HYDIN: variants seen among roughly 807,000 people sequenced by gnomAD.
The protein encoded by HYDIN is axonemal central pair apparatus protein HYDIN.
A neutral mutation model predicts 403.9 loss-of-function variants in HYDIN; 132 were observed. The ratio of observed to expected loss-of-function variants is 0.33; its 90% CI spans 0.28 to 0.38. The LOEUF is 0.38. HYDIN is among the 10% of genes least tolerant of loss of function. The probability of loss-of-function intolerance (pLI) is 1.00; values close to 1 mark genes in which losing one functional copy is unlikely to be tolerated. For synonymous variants in HYDIN, 1,202 were observed against 1,891.7 expected (o/e 0.64, Z 9.46); for missense variants, 2,827 against 5,009.5 (o/e 0.56, Z 13.15).
chr16:71,073,128 A>C (rs2082521237), intron 13 of HYDIN, among the ~76,000 whole-genome samples: 1 of 152,272 alleles, frequency 6.6e-6, no homozygotes, highest in African/African-American at 2.4e-5. Context: ...CCTCAGAACA[A>C]GCAGACTTTA....
intron 10 of HYDIN, among the ~76,000 whole-genome samples, chr16:71,108,400 G>C (rs536098773): frequency 6.6e-6 from 1 of 152,176 alleles, no homozygotes; most frequent in South Asian, 2.1e-4. Context: ...GATTCCAGGG[G>C]AGGCTGCAGT....
intron 1 of HYDIN, among the ~76,000 whole-genome samples, chr16:71,196,412 GA>G (rs1646553552): frequency 6.6e-6 from 1 of 152,164 alleles, no homozygotes; most frequent in Admixed American, 6.5e-5. Context: ...CTGACTGCTT[GA>G]GCTGAGATAT....
intron 58 of HYDIN, among the ~76,000 whole-genome samples, chr16:70,887,964 C>T (rs1298084184): frequency 2.6e-5 from 4 of 152,138 alleles, no homozygotes; most frequent in African/African-American, 9.7e-5. Flanking sequence ...ATTACAGGCA[C>T]GAGCCACGGC....
intron 50 of HYDIN, among the ~76,000 whole-genome samples, chr16:70,904,545 A>G (rs1458641758): frequency 1.9e-5 from 1 of 52,500 alleles, no homozygotes; most frequent in African/African-American, 6.8e-5. Flanking sequence ...TTGTTGCCCA[A>G]GTTGGAGTGC....
intron 15 of HYDIN, 46 bp downstream of exon 15, chr16:71,067,244 G>T (rs745927200): frequency 5.0e-6 from 6 of 1,195,434 alleles, no homozygotes; most frequent in Non-Finnish European, 7.2e-6. Flanking sequence ...CCCATTACTG[G>T]AGGCTCGGGG....
intron 4 of HYDIN, 48 bp downstream of exon 4, chr16:71,178,880 T>C: frequency 6.6e-7 from 1 of 1,512,860 alleles, no homozygotes; most frequent in Non-Finnish European, 8.9e-7. Context: ...CTTTAACCCA[T>C]TCTCATATAT....
At chr16:71,176,582 T>G (rs1194748296) in intron 4 of HYDIN, among the ~76,000 whole-genome samples, 1 of 152,080 alleles carries the variant, frequency 6.6e-6, no homozygotes, top group Non-Finnish European at 1.5e-5. Flanking sequence ...GGGAGTCAAG[T>G]CCCAGCCAAA....
chr16:71,164,261 A>T (rs1434743042), intron 5 of HYDIN, among the ~76,000 whole-genome samples: 1 of 61,646 alleles, frequency 1.6e-5, no homozygotes, highest in East Asian at 6.6e-4. Context: ...GGAGGTTTTA[A>T]AAAAAGCTCT....
chr16:71,175,593 A>T lies in HYDIN; in HGVS notation c.516+14T>A. ...CAGTACAAGTGTCCAATTTCTTGCCATTCCTGGTATTACCTTGTTCTCCTC... is the reference window on the plus strand; with the variant it reads ...CAGTACAAGTGTCCAATTTCTTGCCTTTCCTGGTATTACCTTGTTCTCCTC... On this transcript the variant is annotated intron_variant, in intron 5 of 85. Transcript: ENST00000393567. The T allele has an allele frequency of 6.2e-7, 1 of 1,612,762 alleles. No individual in the cohort carries two copies. Among genetic ancestry groups the T allele is most frequent in the Non-Finnish European group, 8.5e-7 (1 of 1,179,072 alleles).
In HYDIN at chr16:70,970,652, T is replaced by C; in HGVS notation, c.5487A>G (p.Ser1829=). 1 of 1,531,992 alleles carries C rather than the reference T, an allele frequency of 6.5e-7. No individual in the cohort carries two copies. Among genetic ancestry groups the C allele is most frequent in the Non-Finnish European group, 9.0e-7 (1 of 1,108,404 alleles). The allele number at this position is 1,531,992 out of a possible 1,614,324, so 94.9% of individuals were successfully genotyped here. The change falls in exon 36 of 86, where the codon TCA becomes TCG. Residue 1829 remains serine, a synonymous_variant. Coordinates refer to ENST00000393567, the MANE Select transcript of HYDIN (RefSeq NM_001270974.2). The part of the protein sequence containing the change: ...GLEPRLEFSP[S]VLDLGPLLLC... ...GTAGCAGTGGCCCCAGATCCAGGAC[T>C]GAAGGACTAAATTCCAGGCGTGGCT...
intron 76 of HYDIN, among the ~76,000 whole-genome samples, chr16:70,839,367 C>T (rs916958386): frequency 6.8e-6 from 1 of 146,740 alleles, no homozygotes; most frequent in African/African-American, 2.7e-5. Flanking sequence ...ATATGGTGGC[C>T]ACTAGACACA....
chr16:71,190,731 A>C (rs1276987450), intron 1 of HYDIN, among the ~76,000 whole-genome samples: 1 of 152,166 alleles, frequency 6.6e-6, no homozygotes, highest in Non-Finnish European at 1.5e-5. Context: ...AATTAATCTT[A>C]ACACTAAAAG....
chr16:71,040,686 T>C (rs1348959984), intron 18 of HYDIN, among the ~76,000 whole-genome samples: 1 of 114,150 alleles, frequency 8.8e-6, no homozygotes, highest in Admixed American at 8.7e-5. Context: ...CGGCCCACAA[T>C]CCAGACTGGT....
At chr16:71,104,062 G>A (rs1327143900) in intron 10 of HYDIN, among the ~76,000 whole-genome samples, 2 of 151,616 alleles carry the variant, frequency 1.3e-5, no homozygotes, top group Non-Finnish European at 2.9e-5. Context: ...TAAAATTTCA[G>A]TCCTCTGTAT....
chr16:71,216,478 T>A (rs973787676), intron 1 of HYDIN, among the ~76,000 whole-genome samples: 2 of 152,094 alleles, frequency 1.3e-5, no homozygotes, highest in Non-Finnish European at 2.9e-5. Flanking sequence ...ACTGTAAAGG[T>A]CAGGATAGCA....
At position 71,202,254 on chromosome 16, in the gene HYDIN, A is replaced by C. The variant is rs1195001226; in HGVS notation, c.-23-15336T>G. ...CATGTGTATACACACCACTTAAGCTAATCTATTTTATAAGATTCTTATGAA... is the reference window on the plus strand; with the variant it reads ...CATGTGTATACACACCACTTAAGCTCATCTATTTTATAAGATTCTTATGAA... On this transcript the variant is annotated intron_variant, in intron 1 of 85. Coordinates refer to ENST00000393567, the MANE Select transcript of HYDIN (RefSeq NM_001270974.2). 2.0e-5 allele frequency among the ~76,000 whole-genome samples: 3 copies of C among 152,340 alleles called. No homozygotes were observed. The East Asian group carries it at 5.8e-4, about 29-fold the overall frequency.
intron 47 of HYDIN, among the ~76,000 whole-genome samples, chr16:70,910,435 T>C (rs954541115): frequency 6.6e-6 from 1 of 152,266 alleles, no homozygotes; most frequent in Non-Finnish European, 1.5e-5. Context: ...GGCTGAGTAG[T>C]ATTCCTTTGT....
Position 70,809,990 on chromosome 16 carries a change from T to G in HYDIN, c.14676A>C (p.Glu4892Asp). The G allele has an allele frequency of 6.2e-7, 1 of 1,614,136 alleles. No homozygotes were observed. The highest frequency in any genetic ancestry group is 8.5e-7 in the Non-Finnish European group (1 of 1,180,018). ...TTTCTCCAGCTTTCAGGGGCTGAAA[T>G]TCAAATGAGAACGTGCCCTGGAAGA... Reference protein sequence around the residue: ...PANSEGTFSFEFQPLKAGETF... With the variant: ...PANSEGTFSFDFQPLKAGETF... The change falls in exon 85 of 86, where the codon GAA (glutamate) becomes GAC (aspartate). Residue 4892 changes from glutamate (E) to aspartate (D), a missense_variant. Transcript: ENST00000393567.
At chr16:71,092,220 A>G (rs2083129540) in intron 11 of HYDIN, among the ~76,000 whole-genome samples, 1 of 152,174 alleles carries the variant, frequency 6.6e-6, no homozygotes, top group African/African-American at 2.4e-5. Context: ...CTAATGGAAT[A>G]TGAATGTAAG....
Sources: allele counts gnomAD v4.1 joint callset (sites outside exome capture counted in the v4.1 genomes callset), GRCh38; gene constraint gnomAD v4.1.1; transcripts MANE v1.5; gene names NCBI Gene and HGNC (gene_info 2026-07-23, HGNC 2026-07-21).